Variants in FHIT observed in about 807,000 individuals in gnomAD.
The protein encoded by FHIT is fragile histidine triad diadenosine triphosphatase.
In FHIT, 19 loss-of-function variants were observed where a neutral mutation model predicts 17.9. That is an observed-to-expected ratio of 1.06 (90% CI 0.74 to 1.56). FHIT has a LOEUF of 1.56. Ranked by LOEUF, FHIT falls within the 40% of genes most tolerant of loss-of-function variation. The pLI, the probability that FHIT is intolerant of heterozygous loss-of-function variation, is 0.00. For missense variants in FHIT, 248 were observed against 189.2 expected (o/e 1.31, Z -1.82); for synonymous variants, 81 against 69.7 (o/e 1.16, Z -0.81).
intron 3 of FHIT, among the ~76,000 whole-genome samples, chr3:60,826,050 A>T (rs1197416921): frequency 2.0e-5 from 3 of 152,114 alleles, no homozygotes; most frequent in Non-Finnish European, 4.4e-5. Context: ...GTTTTGGGAT[A>T]GTGAGAGTAC....
chr3:60,616,214 C>G (rs1433382498), intron 4 of FHIT, among the ~76,000 whole-genome samples: 1 of 152,138 alleles, frequency 6.6e-6, no homozygotes, highest in African/African-American at 2.4e-5. Context: ...TACACAACAC[C>G]TGTTACAAAA....
At chr3:61,184,460 A>G (rs55945055) in intron 2 of FHIT, among the ~76,000 whole-genome samples, 30,415 of 152,110 alleles carry the variant, frequency 0.2, 3,164 homozygotes, top group South Asian at 0.29. Context: ...GGGATGACTC[A>G]CAGCAAGGAG....
chr3:60,103,742 C>G (rs1327326985), intron 5 of FHIT, among the ~76,000 whole-genome samples: 1 of 152,126 alleles, frequency 6.6e-6, no homozygotes, highest in Admixed American at 6.5e-5. Context: ...ATACTTTTTC[C>G]AACGTTTTCA....
intron 8 of FHIT, among the ~76,000 whole-genome samples, chr3:59,887,880 A>C (rs1339175363): frequency 6.6e-6 from 1 of 152,202 alleles, no homozygotes; most frequent in African/African-American, 2.4e-5. Flanking sequence ...ATTCCTGTCC[A>C]TGGTCTCTCC....
intron 8 of FHIT, among the ~76,000 whole-genome samples, chr3:59,863,357 A>T (rs1559675092): frequency 1.3e-5 from 2 of 152,354 alleles, no homozygotes; most frequent in South Asian, 4.1e-4. Context: ...TATCTGCTGA[A>T]AGCATTCAAA....
chr3:60,483,527 C>T (rs375566531), intron 5 of FHIT, among the ~76,000 whole-genome samples: 7 of 152,102 alleles, frequency 4.6e-5, no homozygotes, highest in Non-Finnish European at 7.3e-5. Context: ...GTTCAACATA[C>T]GCAACTCAAT....
At chr3:60,930,676 C>T (rs1387678667) in intron 3 of FHIT, among the ~76,000 whole-genome samples, 3 of 152,160 alleles carry the variant, frequency 2.0e-5, no homozygotes, top group Non-Finnish European at 4.4e-5. Context: ...TACCATCTCA[C>T]ACCAGTTAGA....
intron 7 of FHIT, among the ~76,000 whole-genome samples, chr3:59,963,941 A>T (rs974884535): frequency 1.3e-5 from 2 of 152,202 alleles, no homozygotes; most frequent in Non-Finnish European, 2.9e-5. Flanking sequence ...TCATCGTAAC[A>T]GTGTATTATC....
intron 4 of FHIT, among the ~76,000 whole-genome samples, chr3:60,789,414 A>G (rs958845828): frequency 6.6e-6 from 1 of 152,154 alleles, no homozygotes; most frequent in Non-Finnish European, 1.5e-5. Context: ...GCTACTCAGG[A>G]GGCTGAGGCA....
intron 4 of FHIT, among the ~76,000 whole-genome samples, chr3:60,549,961 A>G (rs2036491980): frequency 6.6e-6 from 1 of 152,196 alleles, no homozygotes; most frequent in South Asian, 2.1e-4. Flanking sequence ...GAAGGCACGA[A>G]TGTCTTTGGG....
chr3:60,650,367 C>T (rs1553687976), intron 4 of FHIT, among the ~76,000 whole-genome samples: 1 of 152,056 alleles, frequency 6.6e-6, no homozygotes, highest in Non-Finnish European at 1.5e-5. Flanking sequence ...TCAGCATCCT[C>T]ATTTTTCACA....
At chr3:60,494,144 A>C (rs76778230) in intron 5 of FHIT, among the ~76,000 whole-genome samples, 2 of 152,100 alleles carry the variant, frequency 1.3e-5, no homozygotes, top group Non-Finnish European at 2.9e-5. Flanking sequence ...CTTTCACCAT[A>C]TCTGTTTCCA....
intron 3 of FHIT, among the ~76,000 whole-genome samples, chr3:60,933,303 G>A (rs35558909): frequency 0.27 from 40,469 of 152,094 alleles, 6,337 homozygotes; most frequent in Non-Finnish European, 0.36. Context: ...CAGTAGTTAC[G>A]TTTTAAAAAG....
chr3:61,079,341 T>C (rs2035062325), intron 2 of FHIT, among the ~76,000 whole-genome samples: 1 of 152,176 alleles, frequency 6.6e-6, no homozygotes, highest in Non-Finnish European at 1.5e-5. Flanking sequence ...ATCTTCACTT[T>C]GAGGACACTA....
At chr3:61,047,382 T>C (rs1369827562) in intron 2 of FHIT, among the ~76,000 whole-genome samples, 1 of 152,142 alleles carries the variant, frequency 6.6e-6, no homozygotes. Context: ...CCATTCTCAA[T>C]TGCTTCAAAG....
At chr3:60,676,024 A>G (rs2040614516) in intron 4 of FHIT, among the ~76,000 whole-genome samples, 1 of 152,212 alleles carries the variant, frequency 6.6e-6, no homozygotes, top group Non-Finnish European at 1.5e-5. Context: ...CAACTTACGT[A>G]TATCAATCTT....
chr3:60,863,537 C>T (rs1189177490), intron 3 of FHIT, among the ~76,000 whole-genome samples: 1 of 152,154 alleles, frequency 6.6e-6, no homozygotes, highest in Non-Finnish European at 1.5e-5. Context: ...TGCCTTATCA[C>T]CTTATCATTC....
chr3:60,081,345 C>G (rs1703275277), intron 5 of FHIT, among the ~76,000 whole-genome samples: 1 of 151,966 alleles, frequency 6.6e-6, no homozygotes, highest in Non-Finnish European at 1.5e-5. Context: ...TTTACTTGAC[C>G]AACAGTATAA....
intron 8 of FHIT, among the ~76,000 whole-genome samples, chr3:59,759,541 G>A (rs1701396127): frequency 6.6e-6 from 1 of 152,170 alleles, no homozygotes. Context: ...TCCCTGCCAA[G>A]ATTGCTCTGA....
Sources: gnomAD v4.1 joint callset for allele counts (sites outside exome capture counted in the v4.1 genomes callset) on GRCh38, gnomAD v4.1.1 for gene constraint, MANE v1.5 for transcripts, NCBI Gene and HGNC (gene_info 2026-07-23, HGNC 2026-07-21) for gene names.